The following WWC2 variants were observed in gnomAD, a reference collection of about 807,000 sequenced individuals.
WWC2 encodes protein WWC2.
In WWC2, 101 loss-of-function variants were observed where a neutral mutation model predicts 138.5. That is an observed-to-expected ratio of 0.73 (90% CI 0.62 to 0.86). The LOEUF is 0.86. WWC2 is among the 40% of genes least tolerant of loss of function. WWC2 has a pLI of 0.00. For missense variants in WWC2, 1,420 were observed against 1,419.4 expected (o/e 1.00, Z -0.01); for synonymous variants, 558 against 538.4 (o/e 1.04, Z -0.50).
At chr4:183,165,310 G>A (rs530372397) in intron 1 of WWC2, among the ~76,000 whole-genome samples, 26 of 152,222 alleles carry the variant, frequency 1.7e-4, no homozygotes, top group African/African-American at 6.3e-4. Flanking sequence ...GAGTTGGGAA[G>A]CCTTCTTCTT....
Position 183,289,457 on chromosome 4 carries a change from T to G in WWC2, c.3206T>G (p.Leu1069Ter), listed in dbSNP as rs905716478. 6.2e-7 allele frequency: 1 copy of G among 1,613,120 alleles called. No homozygotes were observed. The highest frequency in any genetic ancestry group is 1.3e-5 in the African/African-American group (1 of 74,918). ...QECPVRTSLD[L>*]ELDLQASLTR... The stretch of plus-strand genomic sequence containing the variant: ...TGCCCAGTGCGGACATCTCTAGACT[T>G]AGAACTGGACCTTCAGGCATCTCTG... Residue 1069 changes from leucine to a stop codon, truncating the protein, a stop_gained, in exon 21 of 23, where the codon TTA becomes TGA. Transcript: ENST00000403733. LOFTEE classifies it high-confidence loss of function.
chr4:183,141,851 G>A (rs185790371), intron 1 of WWC2, among the ~76,000 whole-genome samples: 2 of 152,240 alleles, frequency 1.3e-5, no homozygotes, highest in African/African-American at 4.8e-5. Flanking sequence ...ATGTCTGTTT[G>A]TCCTGCTGTA....
chr4:183,152,892 T>A (rs922364191), intron 1 of WWC2, among the ~76,000 whole-genome samples: 9 of 151,424 alleles, frequency 5.9e-5, no homozygotes, highest in South Asian at 2.1e-4. Context: ...CAAAAAAAAA[T>A]AAAAAATAAA....
At chr4:183,113,768 T>C (rs1303056443) in intron 1 of WWC2, among the ~76,000 whole-genome samples, 2 of 135,456 alleles carry the variant, frequency 1.5e-5, no homozygotes, top group East Asian at 4.1e-4. Context: ...GAATTACAGA[T>C]TTTTTTTTTT....
intron 16 of WWC2, among the ~76,000 whole-genome samples, chr4:183,273,880 A>G (rs1365717799): frequency 2.0e-5 from 3 of 152,192 alleles, no homozygotes; most frequent in South Asian, 2.1e-4. Flanking sequence ...TAACAGTTTT[A>G]AAGTCTTATA....
chr4:183,245,570 G>T, intron 6 of WWC2, 25 bp downstream of exon 6: 1 of 1,551,518 alleles, frequency 6.4e-7, no homozygotes, highest in Non-Finnish European at 8.7e-7. Flanking sequence ...ATTTTGTTAA[G>T]CCAAACTTCT....
Position 183,320,296 on chromosome 4 carries a change from T to C in WWC2, c.*4567T>C. 8 of 1,309,212 alleles carry C rather than the reference T, an allele frequency of 6.1e-6. No homozygotes were observed. The highest frequency in any genetic ancestry group is 1.5e-5 in the African/African-American group (1 of 67,550). 81.1% of individuals were successfully genotyped at this position (1,309,212 alleles called of 1,614,324 possible). ...GAAAAGAAGTGTGACACTTGTGTTATAACTTATGAAACTCAGAAATATTTC... is the reference window on the plus strand; with the variant it reads ...GAAAAGAAGTGTGACACTTGTGTTACAACTTATGAAACTCAGAAATATTTC... On this transcript the variant is annotated 3_prime_UTR_variant, in exon 23 of 23. Coordinates refer to ENST00000403733, the MANE Select transcript of WWC2 (RefSeq NM_024949.6).
At position 183,246,143 on chromosome 4, in the gene WWC2, G is replaced by A. The variant is rs1736773816; in HGVS notation, c.732+598G>A. Among the ~76,000 whole-genome samples, 4 of 152,320 alleles carry A rather than the reference G, an allele frequency of 2.6e-5. No homozygotes were observed. The South Asian group carries it at 8.3e-4, about 32-fold the overall frequency. On this transcript the variant is annotated intron_variant, in intron 6 of 22. Coordinates refer to ENST00000403733, the MANE Select transcript of WWC2 (RefSeq NM_024949.6). Reference sequence around the variant, plus strand: ...CTCAGCCTGTGGGTCTTAACTCCCAGTGATCCAGCATCATGTGTAGAAAAC... The same window carrying A: ...CTCAGCCTGTGGGTCTTAACTCCCAATGATCCAGCATCATGTGTAGAAAAC...
At position 183,308,929 on chromosome 4, in the gene WWC2, A is replaced by G. The variant is rs565765339; in HGVS notation, c.3385-3412A>G. ...TGGATCCCACAGATACAGAGGGCTG[A>G]CTATATTCAACTGACCTTTGACAGA... On this transcript the variant is annotated intron_variant, in intron 21 of 22. Transcript: ENST00000403733. Among the ~76,000 whole-genome samples, 14 of 152,336 alleles carry G rather than the reference A, an allele frequency of 9.2e-5. 2 individuals carry two copies. The South Asian group carries it at 2.9e-3, about 32-fold the overall frequency.
chr4:183,298,032 G>A lies in WWC2; in HGVS notation c.3384+8397G>A, dbSNP rs77413501. 2.4e-3 allele frequency among the ~76,000 whole-genome samples: 370 copies of A among 152,364 alleles called. 2 individuals are homozygous for A. The highest frequency in any genetic ancestry group is 8.6e-3 in the African/African-American group (358 of 41,576). ...CATGAAGTCCACCAGACCCTGCAGA[G>A]TTGATGACTGCAAGGGCATTTGGGA... On this transcript the variant is annotated intron_variant, in intron 21 of 22. Transcript: ENST00000403733.
At chr4:183,207,348 T>C (rs941476741) in intron 2 of WWC2, among the ~76,000 whole-genome samples, 2 of 152,218 alleles carry the variant, frequency 1.3e-5, no homozygotes, top group African/African-American at 2.4e-5. Context: ...CTCACTGATA[T>C]TTTTGTAAAA....
At position 183,206,498 on chromosome 4, in the gene WWC2, CAT is replaced by C. The variant is rs1735449993; in HGVS notation, c.242-1454_242-1453del. Among the ~76,000 whole-genome samples the C allele has an allele frequency of 4.6e-5, 7 of 152,242 alleles. No homozygotes were observed. In the South Asian group the frequency reaches 1.5e-3, roughly 32 times the overall value. ...GAACTATTCCACTTTTATTTTAAAA[CAT>C]GTATTACTGAATACTACACACAGAA... On this transcript the variant is annotated intron_variant, in intron 2 of 22. Transcript: ENST00000403733.
intron 1 of WWC2, among the ~76,000 whole-genome samples, chr4:183,122,052 AG>A (rs1732616214): frequency 6.6e-6 from 1 of 151,552 alleles, no homozygotes; most frequent in Non-Finnish European, 1.5e-5. Flanking sequence ...CCCAAAGTGC[AG>A]GGATTACAGG....
intron 1 of WWC2, among the ~76,000 whole-genome samples, chr4:183,189,297 C>A (rs866696963): frequency 6.6e-6 from 1 of 151,766 alleles, no homozygotes; most frequent in Non-Finnish European, 1.5e-5. Flanking sequence ...ATTAGCCAGG[C>A]GTGGTGGCGG....
chr4:183,172,241 C>T (rs533979066), intron 1 of WWC2, among the ~76,000 whole-genome samples: 44 of 152,278 alleles, frequency 2.9e-4, no homozygotes, highest in Non-Finnish European at 4.6e-4. Flanking sequence ...ATCCTATGGC[C>T]TCCATTTACT....
intron 2 of WWC2, among the ~76,000 whole-genome samples, chr4:183,195,589 A>G (rs1469515787): frequency 6.6e-6 from 1 of 152,212 alleles, no homozygotes; most frequent in Non-Finnish European, 1.5e-5. Flanking sequence ...CATTTCTATT[A>G]ATAAATGATT....
At chr4:183,110,024 A>G (rs1042976365) in intron 1 of WWC2, among the ~76,000 whole-genome samples, 2 of 152,172 alleles carry the variant, frequency 1.3e-5, no homozygotes, top group African/African-American at 2.4e-5. Context: ...TGTATACCTC[A>G]TGATTATTTT....
rs751637968 is a variant in WWC2, at chr4:183,286,013, T to A, written c.3095T>A (p.Leu1032Gln). The A allele has an allele frequency of 1.3e-6, 2 of 1,596,112 alleles. No individual in the cohort carries two copies. The highest frequency in any genetic ancestry group is 1.7e-6 in the Non-Finnish European group (2 of 1,170,232). Residue 1032 changes from leucine (L) to glutamine (Q), a missense_variant, in exon 20 of 23, where the codon CTG (leucine) becomes CAG (glutamine). By Grantham distance (113) the Leu-to-Gln change is moderately radical (BLOSUM62 -2). Coordinates refer to ENST00000403733, the MANE Select transcript of WWC2 (RefSeq NM_024949.6). ...SDSSTLAKKS[L>Q]FVRNSTERRS... is the part of the protein sequence containing the mutation. The stretch of plus-strand genomic sequence containing the variant: ...AGTTCAACCCTGGCTAAAAAATCAC[T>A]GTTTGTGAGAAACTCCACCGAACGC...
intron 16 of WWC2, among the ~76,000 whole-genome samples, chr4:183,273,335 C>A (rs13151032): frequency 0.078 from 11,856 of 151,394 alleles, 659 homozygotes; most frequent in Non-Finnish European, 0.12. Flanking sequence ...ACGGAGTTTT[C>A]TTCTTATTGC....
Sources: gnomAD v4.1 joint callset for allele counts (sites outside exome capture counted in the v4.1 genomes callset) on GRCh38, gnomAD v4.1.1 for gene constraint, MANE v1.5 for transcripts, NCBI Gene and HGNC (gene_info 2026-07-23, HGNC 2026-07-21) for gene names.